The following ZNF804B variants were observed in gnomAD, a reference collection of about 807,000 sequenced individuals.
ZNF804B encodes zinc finger 804B.
In ZNF804B, 80 loss-of-function variants were observed where a neutral mutation model predicts 101.4. The observed-to-expected ratio is 0.79, with a 90% CI of 0.66 to 0.95. The LOEUF is 0.95. Ranked by LOEUF, ZNF804B falls within the 40% of genes least tolerant of loss-of-function variation. The pLI, the probability that ZNF804B is intolerant of heterozygous loss-of-function variation, is 0.00. For synonymous variants in ZNF804B, 622 were observed against 558.8 expected (o/e 1.11, Z -1.59); for missense variants, 1,673 against 1,561.9 (o/e 1.07, Z -1.20).
At position 89,177,555 on chromosome 7, in the gene ZNF804B, T is replaced by TG. The variant is rs756713951; in HGVS notation, c.109-40599dup. On this transcript the variant is annotated intron_variant, in intron 1 of 3. Transcript: ENST00000333190. ...ATGTTATATCCTTAAGAATTTTACATGTGCTGAGGACAATGTGTATTCTGC... is the reference window on the plus strand; with the variant it reads ...ATGTTATATCCTTAAGAATTTTACATGGTGCTGAGGACAATGTGTATTCTGC... 5.3e-5 allele frequency among the ~76,000 whole-genome samples: 8 copies of TG among 152,354 alleles called. No individual in the cohort carries two copies. In the South Asian group the frequency reaches 1.7e-3, roughly 32 times the overall value.
At chr7:89,202,910 T>C (rs1049342281) in intron 1 of ZNF804B, among the ~76,000 whole-genome samples, 1 of 152,152 alleles carries the variant, frequency 6.6e-6, no homozygotes, top group Non-Finnish European at 1.5e-5. Context: ...CCACAACTTC[T>C]ATTCGTATTG....
At chr7:89,290,018 A>G (rs762750269) in intron 2 of ZNF804B, among the ~76,000 whole-genome samples, 9 of 152,164 alleles carry the variant, frequency 5.9e-5, no homozygotes, top group Admixed American at 1.3e-4. Flanking sequence ...TTGGATACCA[A>G]TTCAGCCAAA....
chr7:89,298,257 T>C lies in ZNF804B; in HGVS notation c.250-29087T>C, dbSNP rs146113585. 0.013 allele frequency among the ~76,000 whole-genome samples: 1,457 copies of C among 108,148 alleles called. 57 individuals are homozygous for C. The East Asian group carries it at 0.19, about 14-fold the overall frequency. 70.9% of individuals were successfully genotyped at this position (108,148 alleles called of 152,430 possible). On this transcript the variant is annotated intron_variant, in intron 2 of 3. Coordinates refer to ENST00000333190, the MANE Select transcript of ZNF804B (RefSeq NM_181646.5). Reference sequence around the variant, plus strand: ...ATATATATATATATATATATATATATACTTTAAGTTCTAGGTTACATGTGC... The same window carrying C: ...ATATATATATATATATATATATATACACTTTAAGTTCTAGGTTACATGTGC...
At chr7:89,283,391 A>G (rs1301060932) in intron 2 of ZNF804B, among the ~76,000 whole-genome samples, 1 of 152,126 alleles carries the variant, frequency 6.6e-6, no homozygotes, top group Non-Finnish European at 1.5e-5. Context: ...GCTTGCAGTA[A>G]AAAAACTATA....
At chr7:89,114,653 A>G (rs1449090608) in intron 1 of ZNF804B, among the ~76,000 whole-genome samples, 1 of 152,210 alleles carries the variant, frequency 6.6e-6, no homozygotes, top group Non-Finnish European at 1.5e-5. Flanking sequence ...AATTGATTAC[A>G]CAGATGTGAA....
At chr7:89,138,554 C>A (rs1054776123) in intron 1 of ZNF804B, among the ~76,000 whole-genome samples, 3 of 151,880 alleles carry the variant, frequency 2.0e-5, no homozygotes, top group African/African-American at 7.3e-5. Flanking sequence ...TGAGTTAAGA[C>A]TTTGGGGGAC....
Position 88,773,110 on chromosome 7 carries a change from C to T in ZNF804B, c.108+13026C>T, listed in dbSNP as rs143086354. On this transcript the variant is annotated intron_variant, in intron 1 of 3. Transcript: ENST00000333190. ...TCTGATACACTGCCAATTAATTCCA[C>T]CTCTAAGTGTTGATTATATATTAGT... is the stretch of plus-strand genomic sequence containing the variant. Among the ~76,000 whole-genome samples the T allele has an allele frequency of 2.0e-3, 301 of 152,274 alleles. 1 individual carries two copies. The highest frequency in any genetic ancestry group is 7.0e-3 in the African/African-American group (289 of 41,550).
chr7:89,279,815 T>G (rs1415980966), intron 2 of ZNF804B, among the ~76,000 whole-genome samples: 1 of 151,916 alleles, frequency 6.6e-6, no homozygotes, highest in Non-Finnish European at 1.5e-5. Flanking sequence ...AAAATTCTCT[T>G]TTTTGGTTGT....
chr7:89,176,188 G>A (rs1192757414), intron 1 of ZNF804B, among the ~76,000 whole-genome samples: 3 of 151,938 alleles, frequency 2.0e-5, no homozygotes, highest in African/African-American at 2.4e-5. Context: ...CCATGAATGG[G>A]TATCATGGTA....
rs1332792113 is a variant in ZNF804B at position 89,014,728 on chromosome 7, G to C, written c.109-203427G>C. Among the ~76,000 whole-genome samples, 4 of 152,288 alleles carry C rather than the reference G, an allele frequency of 2.6e-5. No individual in the cohort carries two copies. The East Asian group carries it at 7.7e-4, about 29-fold the overall frequency. The stretch of plus-strand genomic sequence containing the variant: ...TTGTTTATTTGCTGTTGAGATGTTT[G>C]ATATCCTTGTATATTCTAGATGTTA... On this transcript the variant is annotated intron_variant, in intron 1 of 3. Coordinates refer to ENST00000333190, the MANE Select transcript of ZNF804B (RefSeq NM_181646.5).
intron 1 of ZNF804B, among the ~76,000 whole-genome samples, chr7:88,991,779 A>G (rs767743501): frequency 6.6e-6 from 1 of 152,166 alleles, no homozygotes; most frequent in African/African-American, 2.4e-5. Context: ...AAGTGGGTCA[A>G]TGAAGCTACA....
chr7:88,943,337 C>T (rs1339616890), intron 1 of ZNF804B, among the ~76,000 whole-genome samples: 1 of 151,800 alleles, frequency 6.6e-6, no homozygotes, highest in African/African-American at 2.4e-5. Context: ...AGTATGATTA[C>T]CAGCATAGGT....
At chr7:89,174,097 A>G (rs1317579069) in intron 1 of ZNF804B, among the ~76,000 whole-genome samples, 1 of 151,936 alleles carries the variant, frequency 6.6e-6, no homozygotes, top group Non-Finnish European at 1.5e-5. Context: ...CATTCCGATT[A>G]TACTGTTTTA....
At chr7:89,259,679 G>C (rs529250349) in intron 2 of ZNF804B, among the ~76,000 whole-genome samples, 2 of 152,042 alleles carry the variant, frequency 1.3e-5, no homozygotes, top group Non-Finnish European at 2.9e-5. Flanking sequence ...TGGGTGCTAG[G>C]GGCATTGTCC....
At chr7:89,294,570 A>T (rs1050908609) in intron 2 of ZNF804B, among the ~76,000 whole-genome samples, 1 of 151,920 alleles carries the variant, frequency 6.6e-6, no homozygotes, top group African/African-American at 2.4e-5. Context: ...TTTTTTTTAA[A>T]AAAATGCTTC....
chr7:88,820,061 TAATA>T (rs1462544277), intron 1 of ZNF804B, among the ~76,000 whole-genome samples: 1 of 152,184 alleles, frequency 6.6e-6, no homozygotes, highest in Non-Finnish European at 1.5e-5. Flanking sequence ...AAGGACAAGA[TAATA>T]AATAAAGATA....
chr7:88,992,592 CTT>C (rs143610323), intron 1 of ZNF804B, among the ~76,000 whole-genome samples: 199 of 152,172 alleles, frequency 1.3e-3, no homozygotes, highest in African/African-American at 4.6e-3. Flanking sequence ...GAGAAAATGA[CTT>C]TTAAATGGCT....
At chr7:88,938,733 G>GA (rs747297477) in intron 1 of ZNF804B, among the ~76,000 whole-genome samples, 2 of 151,880 alleles carry the variant, frequency 1.3e-5, no homozygotes, top group Non-Finnish European at 2.9e-5. Context: ...AAAGTACTGA[G>GA]ATAAAATAAC....
chr7:89,196,530 G>T (rs1416666324), intron 1 of ZNF804B, among the ~76,000 whole-genome samples: 1 of 151,930 alleles, frequency 6.6e-6, no homozygotes, highest in Non-Finnish European at 1.5e-5. Context: ...AAACCCAGGA[G>T]AAAATCTAGG....
Sources: allele counts gnomAD v4.1 joint callset (sites outside exome capture counted in the v4.1 genomes callset), GRCh38; gene constraint gnomAD v4.1.1; transcripts MANE v1.5; gene names NCBI Gene and HGNC (gene_info 2026-07-23, HGNC 2026-07-21).